Variants in VPS35L observed in about 807,000 individuals in gnomAD.
VPS35L encodes VPS35 endosomal protein-sorting factor-like.
Under a neutral mutation model 133.0 loss-of-function variants are expected in VPS35L, and 83 were observed. That is an observed-to-expected ratio of 0.62 (90% CI 0.52 to 0.75). VPS35L has a LOEUF of 0.75. Among genes scored for constraint, VPS35L ranks in the 30% least tolerant of loss-of-function variants. The pLI is 0.00. For synonymous variants in VPS35L, 423 were observed against 449.9 expected (o/e 0.94, Z 0.76); for missense variants, 1,083 against 1,206.8 (o/e 0.90, Z 1.52).
In VPS35L at chr16:19,633,229, A is replaced by C. The variant is rs554659009; in HGVS notation, c.1635+57A>C. Reference sequence around the variant, plus strand: ...GTTAGGAATTTTGTTCTGTTGAATTAAATAGGCGTGTTGTATGGGTCAGGC... The same window carrying C: ...GTTAGGAATTTTGTTCTGTTGAATTCAATAGGCGTGTTGTATGGGTCAGGC... On this transcript the variant is annotated intron_variant, in intron 19 of 30. Coordinates refer to ENST00000417362, the MANE Select transcript of VPS35L (RefSeq NM_020314.7). The surrounding 1 kb of genome is among the most constrained non-coding windows in gnomAD (Gnocchi z 4.1). The C allele has an allele frequency of 6.7e-7, 1 of 1,489,314 alleles. No individual in the cohort carries two copies. The highest frequency in any genetic ancestry group is 1.1e-5 in the South Asian group (1 of 88,546). 92.3% of individuals were successfully genotyped at this position (1,489,314 alleles called of 1,614,324 possible).
At chr16:19,683,098 A>T (rs1440116405) in intron 28 of VPS35L, among the ~76,000 whole-genome samples, 2 of 152,066 alleles carry the variant, frequency 1.3e-5, no homozygotes, top group Admixed American at 6.6e-5. Flanking sequence ...ATAATTTTTT[A>T]AATTTTTTTT....
At chr16:19,646,281 A>T (rs1362401462) in intron 23 of VPS35L, among the ~76,000 whole-genome samples, 1 of 152,060 alleles carries the variant, frequency 6.6e-6, no homozygotes, top group Admixed American at 6.6e-5. Flanking sequence ...CACTGTTCTC[A>T]GTCAGTGATT....
At chr16:19,658,255 C>T (rs1039448786) in intron 26 of VPS35L, among the ~76,000 whole-genome samples, 18 of 152,150 alleles carry the variant, frequency 1.2e-4, no homozygotes, top group East Asian at 3.8e-4. Context: ...CTGGGCTGGG[C>T]GCGGTGGCTC....
chr16:19,625,761 C>T (rs956416498), intron 14 of VPS35L, among the ~76,000 whole-genome samples: 1 of 152,106 alleles, frequency 6.6e-6, no homozygotes, highest in Non-Finnish European at 1.5e-5. Flanking sequence ...GCAGCCTCCA[C>T]CTCCTGGGTT....
At position 19,699,380 on chromosome 16, in the gene VPS35L, A is replaced by G. The variant is rs9935063; in HGVS notation, c.2647-122A>G. 271,043 of 1,252,098 alleles carry G rather than the reference A, an allele frequency of 0.22. 41,089 individuals are homozygous for G. The highest frequency in any genetic ancestry group is 0.76 in the African/African-American group (50,879 of 66,956). The allele number at this position is 1,252,098 out of a possible 1,614,324, so 77.6% of individuals were successfully genotyped here. A position where few individuals can be genotyped will look rare whatever the true frequency, so the allele number is the denominator to read the frequency against. The stretch of plus-strand genomic sequence containing the variant: ...CAGCAGCTTGCCCTACAGCAAATAC[A>G]TGGCAGAGCTGGCACTGGAACTCAG... On this transcript the variant is annotated intron_variant, in intron 29 of 30. Coordinates refer to ENST00000417362, the MANE Select transcript of VPS35L (RefSeq NM_020314.7). This position sits in a 1 kb window ranked among gnomAD's most constrained non-coding sequence, Gnocchi z 4.2.
At position 19,616,114 on chromosome 16, in the gene VPS35L, G is replaced by T. The variant is rs778154853; in HGVS notation, c.1024G>T (p.Val342Leu). The change falls in exon 13 of 31, where the codon GTG becomes TTG. Residue 342 changes from valine to leucine, a missense_variant and splice_region_variant. By Grantham distance (32) the Val-to-Leu change is conservative. Coordinates refer to ENST00000417362, the MANE Select transcript of VPS35L (RefSeq NM_020314.7). Reference protein sequence around the residue: ...SVYARAYLCRVGMEVAPHLKE... With the variant: ...SVYARAYLCRLGMEVAPHLKE... ...AGTTTTTCCATTTGTCTGGCTGCAG[G>T]TGGGAATGGAAGTGGCCCCACATCT... The T allele has an allele frequency of 1.9e-6, 3 of 1,611,684 alleles. No individual in the cohort carries two copies. Among genetic ancestry groups the T allele is most frequent in the Non-Finnish European group, 2.5e-6 (3 of 1,178,410 alleles).
intron 6 of VPS35L, chr16:19,579,792 A>C (rs1277490342): frequency 6.6e-6 from 1 of 152,228 alleles, no homozygotes; most frequent in Non-Finnish European, 1.5e-5. Context: ...GGCTGGCTGG[A>C]TATGGCCCAC....
intron 12 of VPS35L, among the ~76,000 whole-genome samples, chr16:19,614,036 G>A (rs928498091): frequency 1.3e-5 from 2 of 151,840 alleles, no homozygotes; most frequent in South Asian, 2.1e-4. Flanking sequence ...GGTAGAGCGT[G>A]GGGGGAGCTT....
At chr16:19,576,165 CAAAAA>C (rs1220749191) in intron 5 of VPS35L, among the ~76,000 whole-genome samples, 1 of 72,286 alleles carries the variant, frequency 1.4e-5, no homozygotes, top group Non-Finnish European at 2.7e-5. Context: ...GACTCTGTCT[CAAAAA>C]AAAAAAAAAA....
intron 26 of VPS35L, among the ~76,000 whole-genome samples, chr16:19,664,122 A>G (rs9928303): frequency 0.35 from 52,914 of 151,876 alleles, 9,464 homozygotes; most frequent in African/African-American, 0.38. Context: ...CATCCCTGGC[A>G]TTTACTCGTC....
In VPS35L at chr16:19,699,457, G is replaced by C; in HGVS notation, c.2647-45G>C. 1 of 1,611,076 alleles carries C rather than the reference G, an allele frequency of 6.2e-7. No individual in the cohort carries two copies. Among genetic ancestry groups the C allele is most frequent in the South Asian group, 1.1e-5 (1 of 90,720 alleles). ...GTCCACAGCATCTCTGCGGGGCACGGCCTGAGCCCCAGTGCAAGGCAGTAA... is the reference window on the plus strand; with the variant it reads ...GTCCACAGCATCTCTGCGGGGCACGCCCTGAGCCCCAGTGCAAGGCAGTAA... On this transcript the variant is annotated intron_variant, in intron 29 of 30. Coordinates refer to ENST00000417362, the MANE Select transcript of VPS35L (RefSeq NM_020314.7). The surrounding 1 kb of genome is among the most constrained non-coding windows in gnomAD (Gnocchi z 4.2).
At chr16:19,617,144 T>G in intron 14 of VPS35L, 1 of 558,184 alleles carries the variant, frequency 1.8e-6, no homozygotes, top group Non-Finnish European at 3.2e-6. Flanking sequence ...TCACTTGATT[T>G]TAGGAGTTTG....
intron 8 of VPS35L, among the ~76,000 whole-genome samples, chr16:19,596,464 G>A (rs947330191): frequency 6.7e-6 from 1 of 149,868 alleles, no homozygotes; most frequent in Admixed American, 6.6e-5. Context: ...TTTTAGCAAT[G>A]GGATCTCACT....
chr16:19,635,553 G>T (rs1414894045), intron 19 of VPS35L, among the ~76,000 whole-genome samples: 1 of 152,134 alleles, frequency 6.6e-6, no homozygotes, highest in Non-Finnish European at 1.5e-5. Flanking sequence ...AAGACTAATT[G>T]AGACAATCAA....
intron 9 of VPS35L, 43 bp from the exon 10 acceptor site, chr16:19,608,135 T>G: frequency 2.0e-6 from 3 of 1,471,224 alleles, no homozygotes; most frequent in Non-Finnish European, 2.9e-6. Context: ...ACACAGATCC[T>G]GAGATTTAGG....
intron 26 of VPS35L, among the ~76,000 whole-genome samples, chr16:19,664,320 G>A (rs1233804416): frequency 6.6e-6 from 1 of 151,950 alleles, no homozygotes; most frequent in Non-Finnish European, 1.5e-5. Context: ...CTCTTACTAC[G>A]AATATGGGGA....
At chr16:19,599,319 A>C (rs925237606) in intron 8 of VPS35L, among the ~76,000 whole-genome samples, 4 of 152,198 alleles carry the variant, frequency 2.6e-5, no homozygotes, top group Admixed American at 6.5e-5. Context: ...CAATAGTCCC[A>C]GGTGCTTGGA....
intron 26 of VPS35L, among the ~76,000 whole-genome samples, chr16:19,665,443 C>A (rs745660936): frequency 2.0e-5 from 3 of 152,308 alleles, no homozygotes; most frequent in Middle Eastern, 6.8e-3. Flanking sequence ...GTTTGCCTTC[C>A]TGTGCCTGGC....
Position 19,573,190 on chromosome 16 carries a change from C to G in VPS35L, c.357C>G (p.Asn119Lys). 6.2e-7 allele frequency: 1 copy of G among 1,614,010 alleles called. No homozygotes were observed. The highest frequency in any genetic ancestry group is 8.5e-7 in the Non-Finnish European group (1 of 1,179,914). Residue 119 changes from asparagine (N) to lysine (K), a missense_variant, in exon 4 of 31, where the codon AAC (asparagine) becomes AAG (lysine). Transcript: ENST00000417362. ...VVGSDFEPWTNKRGEILARYT... is the reference protein window; with the variant it reads ...VVGSDFEPWTKKRGEILARYT... ...GATCGGATTTTGAGCCTTGGACCAA[C>G]AAACGGGGAGAAATCCTTGCCCGGT...
Sources: allele counts gnomAD v4.1 joint callset (sites outside exome capture counted in the v4.1 genomes callset), GRCh38; gene constraint gnomAD v4.1.1; non-coding constraint Gnocchi (gnomAD v3.1); transcripts MANE v1.5; gene names NCBI Gene and HGNC (gene_info 2026-07-23, HGNC 2026-07-21).